Variants in KIAA1217 observed in about 807,000 individuals in gnomAD.
KIAA1217 encodes sickle tail protein homolog.
KIAA1217 carries 88 observed loss-of-function variants against 163.9 expected under a neutral mutation model. The ratio of observed to expected loss-of-function variants is 0.54; its 90% CI spans 0.45 to 0.64. The LOEUF is 0.64. Among genes scored for constraint, KIAA1217 ranks in the 30% least tolerant of loss-of-function variants. KIAA1217 has a pLI of 0.00. For synonymous variants in KIAA1217, 903 were observed against 923.1 expected (o/e 0.98, Z 0.39); for missense variants, 2,372 against 2,475.0 (o/e 0.96, Z 0.88).
intron 5 of KIAA1217, among the ~76,000 whole-genome samples, chr10:24,470,504 T>A (rs1170134090): frequency 6.6e-6 from 1 of 152,032 alleles, no homozygotes; most frequent in Admixed American, 6.5e-5. Context: ...CCCCAAGAAC[T>A]AGCACATGGG....
At chr10:24,071,481 G>A (rs1312653341) in intron 2 of KIAA1217, among the ~76,000 whole-genome samples, 1 of 151,958 alleles carries the variant, frequency 6.6e-6, no homozygotes, top group South Asian at 2.1e-4. Flanking sequence ...AAAAAGAAGA[G>A]AATAGGGTTA....
At chr10:24,039,684 C>T (rs1016938447) in intron 2 of KIAA1217, among the ~76,000 whole-genome samples, 1 of 152,108 alleles carries the variant, frequency 6.6e-6, no homozygotes, top group Non-Finnish European at 1.5e-5. Flanking sequence ...GACCTACCCC[C>T]ATTGTACGTC....
intron 2 of KIAA1217, among the ~76,000 whole-genome samples, chr10:24,306,291 A>G (rs1285998496): frequency 1.3e-5 from 2 of 152,186 alleles, no homozygotes; most frequent in African/African-American, 2.4e-5. Flanking sequence ...CAAATCACCA[A>G]TAATTCACAC....
intron 2 of KIAA1217, among the ~76,000 whole-genome samples, chr10:24,373,187 G>A (rs9633649): frequency 0.16 from 24,633 of 152,120 alleles, 2,306 homozygotes; most frequent in South Asian, 0.31. Flanking sequence ...CCCACTCTAA[G>A]CATGTCACAC....
At chr10:24,306,585 T>C (rs887025528) in intron 2 of KIAA1217, among the ~76,000 whole-genome samples, 1 of 152,218 alleles carries the variant, frequency 6.6e-6, no homozygotes, top group Admixed American at 6.5e-5. Context: ...GCAGCTGTCT[T>C]TCTGGAGCGG....
At chr10:24,149,887 A>C (rs1222661602) in intron 2 of KIAA1217, among the ~76,000 whole-genome samples, 3 of 152,238 alleles carry the variant, frequency 2.0e-5, no homozygotes, top group African/African-American at 7.2e-5. Flanking sequence ...ATTATATAGC[A>C]AGTTTTTTTA....
In KIAA1217 at chr10:24,139,805, A is replaced by G. The variant is rs191197331; in HGVS notation, c.-170-79821A>G. Among the ~76,000 whole-genome samples, 590 of 152,300 alleles carry G rather than the reference A, an allele frequency of 3.9e-3. 2 individuals carry two copies. Among genetic ancestry groups the G allele is most frequent in the Middle Eastern group, 6.8e-3 (2 of 294 alleles). ...ACCCCCAGTGAATGCCTGAAACTACAGATAGTACCAAGTCCTATATATACT... is the reference window on the plus strand; with the variant it reads ...ACCCCCAGTGAATGCCTGAAACTACGGATAGTACCAAGTCCTATATATACT... On this transcript the variant is annotated intron_variant, in intron 2 of 18. Transcript: ENST00000376462.
chr10:23,758,847 T>C (rs767098911), intron 1 of KIAA1217, among the ~76,000 whole-genome samples: 3 of 151,700 alleles, frequency 2.0e-5, no homozygotes, highest in African/African-American at 2.4e-5. Context: ...CTACCACACC[T>C]GGCTAATTTT....
At chr10:23,795,146 A>C (rs1471506781) in intron 1 of KIAA1217, among the ~76,000 whole-genome samples, 1 of 152,236 alleles carries the variant, frequency 6.6e-6, no homozygotes, top group African/African-American at 2.4e-5. Context: ...TGACTTTAGT[A>C]ATCTTTATTG....
intron 2 of KIAA1217, among the ~76,000 whole-genome samples, chr10:24,372,290 C>T (rs1002565087): frequency 7.9e-5 from 12 of 152,008 alleles, no homozygotes; most frequent in African/African-American, 2.2e-4. Context: ...AGGAAAGAAA[C>T]GTTAAGAACA....
At chr10:24,063,846 A>C (rs962477100) in intron 2 of KIAA1217, among the ~76,000 whole-genome samples, 1 of 152,188 alleles carries the variant, frequency 6.6e-6, no homozygotes, top group African/African-American at 2.4e-5. Context: ...CTCCTTGAAG[A>C]AGTCCTTCAC....
At chr10:24,545,397 A>T in intron 20 of KIAA1217, 1 of 1,324,232 alleles carries the variant, frequency 7.6e-7, no homozygotes, top group Non-Finnish European at 9.7e-7. Context: ...GTTTCATCTG[A>T]ACACCTCGGG....
Position 24,545,866 on chromosome 10 carries a change from C to A in KIAA1217, c.5374C>A (p.Pro1792Thr). The change falls in exon 21 of 21, where the codon CCT (proline) becomes ACT (threonine). Residue 1792 changes from proline (P) to threonine (T), a missense_variant. Pro to Thr is a conservative substitution (Grantham distance 38, BLOSUM62 -1). Transcript: ENST00000376454. The stretch of plus-strand genomic sequence containing the variant: ...TAAGAAATCTGGTGGGGACTTTAAG[C>A]CTACTTCCCCCTCCTTACCTGCTTC... The part of the protein sequence containing the change: ...SAKKSGGDFK[P>T]TSPSLPASKI... The A allele has an allele frequency of 6.2e-7, 1 of 1,609,962 alleles. No homozygotes were observed. Among genetic ancestry groups the A allele is most frequent in the Non-Finnish European group, 8.5e-7 (1 of 1,178,392 alleles).
intron 1 of KIAA1217, among the ~76,000 whole-genome samples, chr10:23,964,539 G>C (rs1844971473): frequency 6.6e-6 from 1 of 151,816 alleles, no homozygotes; most frequent in Non-Finnish European, 1.5e-5. Context: ...TTCTTCTAGG[G>C]TTTTTATGGT....
At chr10:23,841,827 CTTTAT>C (rs376133012) in intron 1 of KIAA1217, among the ~76,000 whole-genome samples, 18,635 of 133,304 alleles carry the variant, frequency 0.14, 1,596 homozygotes, top group African/African-American at 0.23. Flanking sequence ...ACCATTGGGA[CTTTAT>C]TTTATTTTAT....
chr10:24,413,178 C>T (rs2057949846), intron 3 of KIAA1217, among the ~76,000 whole-genome samples: 1 of 152,068 alleles, frequency 6.6e-6, no homozygotes, highest in Non-Finnish European at 1.5e-5. Context: ...GAGTTTAGTC[C>T]TTGTCCCTTG....
chr10:23,726,482 C>A (rs1327915940), intron 1 of KIAA1217, among the ~76,000 whole-genome samples: 1 of 152,048 alleles, frequency 6.6e-6, no homozygotes, highest in Admixed American at 6.6e-5. Flanking sequence ...CCATTCAGGA[C>A]ATAGGCATGG....
rs1006240770 is a variant in KIAA1217 at position 24,258,686 on chromosome 10, G to A, written c.354+38777G>A. On this transcript the variant is annotated intron_variant, in intron 2 of 20. Coordinates refer to ENST00000376454, the MANE Select transcript of KIAA1217 (RefSeq NM_019590.5). ...CGGCTCATTGCAAGCTCCACCTCCC[G>A]GGTTCACGCCATTCTCCTGCCTCAC... 1.1e-4 allele frequency among the ~76,000 whole-genome samples: 17 copies of A among 151,286 alleles called. 1 individual carries two copies. The highest frequency in any genetic ancestry group is 3.9e-4 in the East Asian group (2 of 5,096).
At chr10:23,969,832 A>G (rs973322577) in intron 1 of KIAA1217, among the ~76,000 whole-genome samples, 1 of 152,244 alleles carries the variant, frequency 6.6e-6, no homozygotes, top group Non-Finnish European at 1.5e-5. Context: ...TGATAAAGAC[A>G]TACCTGAGAC....
Sources: allele counts gnomAD v4.1 joint callset (sites outside exome capture counted in the v4.1 genomes callset), GRCh38; gene constraint gnomAD v4.1.1; transcripts MANE v1.5; gene names NCBI Gene and HGNC (gene_info 2026-07-23, HGNC 2026-07-21).